Variants in MCCC2 observed in about 807,000 individuals in gnomAD.
MCCC2 encodes the protein methylcrotonoyl-CoA carboxylase beta chain, mitochondrial.
A neutral mutation model predicts 77.2 loss-of-function variants in MCCC2; 52 were observed. That is an observed-to-expected ratio of 0.67 (90% CI 0.54 to 0.85). The LOEUF (loss-of-function observed/expected upper bound fraction) is 0.85, where lower values mean the gene tolerates loss of function less well. Ranked by LOEUF, MCCC2 falls within the 40% of genes least tolerant of loss-of-function variation. The pLI, the probability that MCCC2 is intolerant of heterozygous loss-of-function variation, is 0.00. For missense variants in MCCC2, 682 were observed against 703.2 expected (o/e 0.97, Z 0.34); for synonymous variants, 253 against 248.4 (o/e 1.02, Z -0.18).
intron 16 of MCCC2, among the ~76,000 whole-genome samples, chr5:71,653,803 A>G (rs532416267): frequency 1.8e-4 from 27 of 151,200 alleles, no homozygotes; most frequent in African/African-American, 5.8e-4. Context: ...GTGAGCCGAG[A>G]TCATGCCACT....
At position 71,626,674 on chromosome 5, in the gene MCCC2, G is replaced by T; in HGVS notation, c.659G>T (p.Gly220Val). Residue 220 changes from glycine (G) to valine (V), a missense_variant, in exon 7 of 17, where the codon GGA becomes GTA. Gly to Val is a moderately radical substitution (Grantham distance 109). Transcript: ENST00000340941. ...GTCATGGGCTCCTGCACCGCAGGAG[G>T]AGCCTATGTGCCTGCCATGGCTGAT... ...AVVMGSCTAG[G>V]AYVPAMADEN... is the part of the protein sequence containing the mutation. 1 of 1,614,060 alleles carries T rather than the reference G, an allele frequency of 6.2e-7. No individual in the cohort carries two copies. Among genetic ancestry groups the T allele is most frequent in the African/African-American group, 1.3e-5 (1 of 75,006 alleles).
chr5:71,629,485 GTA>G (rs1223624626), intron 7 of MCCC2, among the ~76,000 whole-genome samples: 1 of 152,104 alleles, frequency 6.6e-6, no homozygotes, highest in Non-Finnish European at 1.5e-5. Context: ...GAATTTTATG[GTA>G]TGTGAATTCT....
At chr5:71,596,863 C>T (rs1039672290) in intron 3 of MCCC2, among the ~76,000 whole-genome samples, 1 of 151,926 alleles carries the variant, frequency 6.6e-6, no homozygotes, top group East Asian at 1.9e-4. Context: ...TCGCTCGAAC[C>T]CCAGAGGCAG....
At chr5:71,652,781 C>T in intron 16 of MCCC2, 27 bp downstream of exon 16, 1 of 1,592,660 alleles carries the variant, frequency 6.3e-7, no homozygotes, top group Non-Finnish European at 8.6e-7. Context: ...CACTAACTCT[C>T]TGATGGGTGC....
chr5:71,593,453 T>C (rs1479508564), intron 2 of MCCC2, among the ~76,000 whole-genome samples: 1 of 152,148 alleles, frequency 6.6e-6, no homozygotes, highest in Non-Finnish European at 1.5e-5. Context: ...ATTTTTCCTA[T>C]TACTTGGCCA....
intron 6 of MCCC2, among the ~76,000 whole-genome samples, chr5:71,623,875 A>G (rs965344104): frequency 2.0e-5 from 3 of 152,216 alleles, no homozygotes; most frequent in Non-Finnish European, 4.4e-5. Context: ...GGAAGTAGAT[A>G]TGCTAATAAT....
At position 71,657,032 on chromosome 5, in the gene MCCC2, A is replaced by G. The variant is rs560712937; in HGVS notation, c.*172A>G. 1.1e-5 allele frequency: 6 copies of G among 568,198 alleles called. No individual in the cohort carries two copies. Among genetic ancestry groups the G allele is most frequent in the South Asian group, 8.0e-5 (4 of 50,100 alleles). 35.2% of individuals were successfully genotyped at this position (568,198 alleles called of 1,614,324 possible). A position where few individuals can be genotyped will look rare whatever the true frequency, so the allele number is the denominator to read the frequency against. On this transcript the variant is annotated 3_prime_UTR_variant, in exon 17 of 17. Transcript: ENST00000340941. ...GAGGATATTTATTTAATGAACATCA[A>G]TTCCTTTTAAATTTTCTTAGAGAAA...
At chr5:71,633,793 A>G (rs1444052502) in intron 8 of MCCC2, among the ~76,000 whole-genome samples, 2 of 152,204 alleles carry the variant, frequency 1.3e-5, no homozygotes, top group African/African-American at 4.8e-5. Context: ...TTCTGCTTCT[A>G]TTTGACTTCT....
At chr5:71,655,525 G>GC (rs1270787624) in intron 16 of MCCC2, among the ~76,000 whole-genome samples, 4 of 152,154 alleles carry the variant, frequency 2.6e-5, no homozygotes, top group Non-Finnish European at 4.4e-5. Flanking sequence ...TTGCTGTGCT[G>GC]CAGGCTTCAG....
rs574122807 is a variant in MCCC2, at chr5:71,645,012, A to G, written c.1149+1117A>G. Among the ~76,000 whole-genome samples the G allele has an allele frequency of 7.9e-5, 12 of 152,184 alleles. No individual in the cohort carries two copies. In the East Asian group the frequency reaches 1.7e-3, roughly 22 times the overall value. On this transcript the variant is annotated intron_variant, in intron 12 of 16. Coordinates refer to ENST00000340941, the MANE Select transcript of MCCC2 (RefSeq NM_022132.5). ...TATGCTATATATAGAGAGGTTTTGC[A>G]TGTTTTCATTTAATAGTATATAGAC...
intron 12 of MCCC2, among the ~76,000 whole-genome samples, chr5:71,644,514 G>A (rs1747224648): frequency 6.6e-6 from 1 of 151,856 alleles, no homozygotes; most frequent in African/African-American, 2.4e-5. Flanking sequence ...AAAAGAGGGA[G>A]TTCTTGAATA....
At chr5:71,646,909 A>G (rs1747288604) in intron 13 of MCCC2, among the ~76,000 whole-genome samples, 1 of 152,130 alleles carries the variant, frequency 6.6e-6, no homozygotes, top group African/African-American at 2.4e-5. Context: ...AAGTAACATC[A>G]TTTTAAAATG....
intron 1 of MCCC2, 21 bp downstream of exon 1, chr5:71,587,575 G>A (rs1744814647): frequency 6.5e-7 from 1 of 1,530,938 alleles, no homozygotes; most frequent in Admixed American, 2.0e-5. Flanking sequence ...CGCCCCGGTG[G>A]CCTGGCCGCC....
chr5:71,593,000 CA>C lies in MCCC2; in HGVS notation c.196+9del, dbSNP rs1323194145. On this transcript the variant is annotated intron_variant, in intron 2 of 16. Coordinates refer to ENST00000340941, the MANE Select transcript of MCCC2 (RefSeq NM_022132.5). ...TGGAGCATATAAAACTAGGTAAACA[CA>C]GCATTTATTCCACAGCTTATGCCTT... 1.9e-6 allele frequency: 3 copies of C among 1,606,580 alleles called. No homozygotes were observed. In the Admixed American group the frequency reaches 5.0e-5, roughly 27 times the overall value.
intron 12 of MCCC2, among the ~76,000 whole-genome samples, chr5:71,644,842 T>C (rs1375039578): frequency 6.6e-6 from 1 of 152,086 alleles, no homozygotes; most frequent in South Asian, 2.1e-4. Context: ...CTGCTACTTA[T>C]TATTACTCCT....
intron 8 of MCCC2, among the ~76,000 whole-genome samples, chr5:71,633,567 A>T (rs984384819): frequency 6.6e-6 from 1 of 151,764 alleles, no homozygotes; most frequent in African/African-American, 2.4e-5. Context: ...TTTTTTGGAA[A>T]GTACCATGAA....
chr5:71,647,981 T>C (rs567127717), intron 13 of MCCC2, among the ~76,000 whole-genome samples: 3 of 152,196 alleles, frequency 2.0e-5, no homozygotes, highest in South Asian at 2.1e-4. Flanking sequence ...AGACAGCTGA[T>C]ATTTGAAGTA....
chr5:71,602,695 A>G (rs1166900299), intron 5 of MCCC2, 62 bp downstream of exon 5: 3 of 1,609,900 alleles, frequency 1.9e-6, no homozygotes, highest in Non-Finnish European at 2.6e-6. Context: ...ATAGTTTGGA[A>G]GGCTGTATGT....
At position 71,625,946 on chromosome 5, in the gene MCCC2, G is replaced by A. The variant is rs116321221; in HGVS notation, c.625-694G>A. 2.7e-3 allele frequency among the ~76,000 whole-genome samples: 407 copies of A among 152,164 alleles called. 3 individuals carry two copies. Among genetic ancestry groups the A allele is most frequent in the African/African-American group, 8.7e-3 (362 of 41,514 alleles). On this transcript the variant is annotated intron_variant, in intron 6 of 16. Transcript: ENST00000340941. Reference sequence around the variant, plus strand: ...TACTTTATTTTTCCTTGGTGGTATCGTTCAATCCTATTTAGGAGTCATCAG... The same window carrying A: ...TACTTTATTTTTCCTTGGTGGTATCATTCAATCCTATTTAGGAGTCATCAG...
Sources: gnomAD v4.1 joint callset for allele counts (sites outside exome capture counted in the v4.1 genomes callset) on GRCh38, gnomAD v4.1.1 for gene constraint, MANE v1.5 for transcripts, NCBI Gene and HGNC (gene_info 2026-07-23, HGNC 2026-07-21) for gene names.